Variants in COA1 observed in about 807,000 individuals in gnomAD.
COA1 encodes cytochrome c oxidase assembly factor 1, also known as cytochrome c oxidase assembly factor 1 homolog.
A neutral mutation model predicts 16.0 loss-of-function variants in COA1; 13 were observed. The ratio of observed to expected loss-of-function variants is 0.81; its 90% CI spans 0.53 to 1.29. COA1 has a LOEUF of 1.29. COA1 is among the 50% of genes most tolerant of loss of function. COA1 has a pLI of 0.00. For synonymous variants in COA1, 65 were observed against 65.7 expected (o/e 0.99, Z 0.05); for missense variants, 179 against 177.0 (o/e 1.01, Z -0.06).
intron 1 of COA1, among the ~76,000 whole-genome samples, chr7:43,710,120 C>A (rs2095166827): frequency 6.6e-6 from 1 of 151,824 alleles, no homozygotes; most frequent in Admixed American, 6.6e-5. Context: ...GAGGCTGAGG[C>A]AGGCGGATCA....
intron 1 of COA1, among the ~76,000 whole-genome samples, chr7:43,692,925 T>C (rs558547727): frequency 6.6e-6 from 1 of 152,242 alleles, no homozygotes; most frequent in East Asian, 1.9e-4. Flanking sequence ...TTAAATGTAA[T>C]GGCATATTAT....
intron 1 of COA1, among the ~76,000 whole-genome samples, chr7:43,695,594 G>GTT (rs2094501726): frequency 1.3e-5 from 2 of 152,012 alleles, no homozygotes; most frequent in African/African-American, 2.4e-5. Context: ...CAATTCATGT[G>GTT]TTGAATGAAT....
intron 1 of COA1, 76 bp downstream of exon 1, chr7:43,729,353 G>A (rs969136839): frequency 6.6e-6 from 1 of 152,342 alleles, no homozygotes; most frequent in African/African-American, 2.4e-5. Flanking sequence ...GCGCGCAAAG[G>A]CGGCCCCCCG....
intron 1 of COA1, among the ~76,000 whole-genome samples, chr7:43,654,575 G>A (rs1438599349): frequency 6.8e-6 from 1 of 146,878 alleles, no homozygotes; most frequent in Admixed American, 6.7e-5. Flanking sequence ...TATTCAGGAA[G>A]TTATTGAAAA....
intron 6 of COA1, among the ~76,000 whole-genome samples, chr7:43,613,360 T>C (rs2083054449): frequency 6.6e-6 from 1 of 152,172 alleles, no homozygotes; most frequent in South Asian, 2.1e-4. Context: ...CTAGAGATGA[T>C]TTAAAGTTTA....
chr7:43,721,918 A>G (rs896922060), intron 1 of COA1, among the ~76,000 whole-genome samples: 2 of 152,104 alleles, frequency 1.3e-5, no homozygotes, highest in Admixed American at 1.3e-4. Context: ...AAAAAACATT[A>G]GAAAGATTCT....
At chr7:43,727,414 T>A (rs1169954438) in intron 1 of COA1, among the ~76,000 whole-genome samples, 2 of 152,178 alleles carry the variant, frequency 1.3e-5, no homozygotes, top group Non-Finnish European at 2.9e-5. Flanking sequence ...CAAAAACTTG[T>A]AGGTGAATGT....
intron 1 of COA1, among the ~76,000 whole-genome samples, chr7:43,686,558 T>A (rs1052451606): frequency 6.6e-6 from 1 of 152,178 alleles, no homozygotes. Context: ...CCTCCCAAAG[T>A]GCTGGGATTA....
Position 43,639,658 on chromosome 7 carries a change from A to C in COA1, c.365T>G (p.Leu122Ter). Residue 122 changes from leucine to a stop codon, truncating the protein, a stop_gained, in exon 6 of 6, where the codon TTA becomes TGA. Transcript: ENST00000223336. LOFTEE classifies it low-confidence loss of function (END_TRUNC). ...FQRWHLDEVF[L>*]ELKDGQQIPV... ...AATCTGCTGACCATCCTTGAGCTCT[A>C]AAAAGACCTCGTCAAGGTGCCACCT... The C allele has an allele frequency of 1.9e-6, 3 of 1,613,968 alleles. No homozygotes were observed. Among genetic ancestry groups the C allele is most frequent in the Non-Finnish European group, 2.5e-6 (3 of 1,179,848 alleles).
At chr7:43,623,727 A>G (rs761677505) in intron 6 of COA1, 14 of 1,607,474 alleles carry the variant, frequency 8.7e-6, no homozygotes, top group African/African-American at 1.3e-5. Flanking sequence ...GAGTGTTAAC[A>G]TATGTCATGC....
chr7:43,661,200 A>T (rs979791374), intron 1 of COA1, among the ~76,000 whole-genome samples: 1 of 152,234 alleles, frequency 6.6e-6, no homozygotes, highest in Admixed American at 6.5e-5. Context: ...TAGACATTTA[A>T]CTACTTTAAG....
intron 6 of COA1, among the ~76,000 whole-genome samples, chr7:43,618,240 G>C (rs1327936075): frequency 1.3e-5 from 2 of 152,168 alleles, no homozygotes; most frequent in East Asian, 1.9e-4. Context: ...GAAGGAGCAG[G>C]GGAGGCCAGG....
chr7:43,612,828 C>G (rs1156781472), intron 6 of COA1, among the ~76,000 whole-genome samples: 1 of 151,986 alleles, frequency 6.6e-6, no homozygotes, highest in East Asian at 1.9e-4. Flanking sequence ...GAGGGAGTAG[C>G]AGATGCAGAT....
intron 6 of COA1, among the ~76,000 whole-genome samples, chr7:43,634,116 A>T (rs938007700): frequency 2.0e-5 from 3 of 151,880 alleles, no homozygotes; most frequent in Non-Finnish European, 4.4e-5. Flanking sequence ...TTGCTCACTG[A>T]ATCTTTTTTT....
At chr7:43,624,679 C>T in intron 6 of COA1, 1 of 1,614,034 alleles carries the variant, frequency 6.2e-7, no homozygotes, top group Non-Finnish European at 8.5e-7. Flanking sequence ...AAATCAGAAA[C>T]CAAGGAATCC....
intron 6 of COA1, chr7:43,623,302 G>C (rs759212980): frequency 2.0e-4 from 75 of 367,266 alleles, no homozygotes; most frequent in Non-Finnish European, 3.5e-4. Context: ...GAGATTGTCA[G>C]TTTATGTTTG....
intron 1 of COA1, among the ~76,000 whole-genome samples, chr7:43,704,476 T>C (rs1445043971): frequency 6.6e-6 from 1 of 152,248 alleles, no homozygotes; most frequent in Admixed American, 6.5e-5. Context: ...TTGGTCTCTT[T>C]ACATAATCCC....
intron 1 of COA1, among the ~76,000 whole-genome samples, chr7:43,675,431 C>A (rs11978066): frequency 0.12 from 17,760 of 151,000 alleles, 1,132 homozygotes; most frequent in Admixed American, 0.19. Context: ...AGGGGAACAT[C>A]ACACACCAGG....
intron 5 of COA1, 86 bp from the exon 6 acceptor site, chr7:43,639,767 T>TA: frequency 1.0e-6 from 1 of 994,754 alleles, no homozygotes; most frequent in Non-Finnish European, 1.5e-6. Context: ...GGAAAGCAGT[T>TA]GTTTTGAATA....
Sources: allele counts gnomAD v4.1 joint callset (sites outside exome capture counted in the v4.1 genomes callset), GRCh38; gene constraint gnomAD v4.1.1; transcripts MANE v1.5; gene names NCBI Gene and HGNC (gene_info 2026-07-23, HGNC 2026-07-21).